Variants in CHD6 observed in about 807,000 individuals in gnomAD.
CHD6 encodes ATP-dependent chromatin remodeler CHD6.
In CHD6, 50 loss-of-function variants were observed where a neutral mutation model predicts 276.9. The ratio of observed to expected loss-of-function variants is 0.18; its 90% confidence interval spans 0.14 to 0.23. The LOEUF is 0.23. Ranked by LOEUF, CHD6 falls within the 10% of genes least tolerant of loss-of-function variation. The probability of loss-of-function intolerance (pLI) is 1.00; values close to 1 mark genes in which losing one functional copy is unlikely to be tolerated. For synonymous variants in CHD6, 1,173 were observed against 1,229.3 expected, an observed-to-expected ratio of 0.95 and a Z score of 0.96; for missense variants, 2,564 against 3,365.8, an observed-to-expected ratio of 0.76 and a Z score of 5.89.
At chr20:41,493,511 T>A (rs760700557) in intron 10 of CHD6, 27 bp downstream of exon 10, 1 of 1,609,512 alleles carries the variant, frequency 6.2e-7, no homozygotes, top group East Asian at 2.2e-5. Context: ...TTCCGAGAAG[T>A]GCCAGAGAGA....
In CHD6 at chr20:41,455,780, CTG is replaced by C; in HGVS notation, c.3009+18_3009+19del. Reference sequence around the variant, plus strand: ...TTTTTCTCTCCCACCCCCAACAGCTCTGGAGAGAAGGCCCTGTACCTTGGCAA... The same window carrying C: ...TTTTTCTCTCCCACCCCCAACAGCTCGAGAGAAGGCCCTGTACCTTGGCAA... On this transcript the variant is annotated intron_variant, in intron 19 of 36. Coordinates refer to ENST00000373233, the MANE Select transcript of CHD6 (RefSeq NM_032221.5). The C allele has an allele frequency of 6.7e-7, 1 of 1,492,352 alleles. No homozygotes were observed. The highest frequency in any genetic ancestry group is 9.0e-7 in the Non-Finnish European group (1 of 1,116,370). 92.4% of individuals were successfully genotyped at this position (1,492,352 alleles called of 1,614,324 possible). A position where few individuals can be genotyped will look rare whatever the true frequency, so the allele number is the denominator to read the frequency against.
chr20:41,444,982 A>T (rs1043115307), intron 25 of CHD6, among the ~76,000 whole-genome samples: 7 of 152,224 alleles, frequency 4.6e-5, no homozygotes, highest in South Asian at 2.1e-4. Flanking sequence ...GAAAGTGTGT[A>T]TCAGGCATAC....
At chr20:41,574,082 G>A (rs2045447033) in intron 1 of CHD6, among the ~76,000 whole-genome samples, 1 of 143,442 alleles carries the variant, frequency 7.0e-6, no homozygotes, top group Non-Finnish European at 1.5e-5. Context: ...CCTCAGGCAA[G>A]CAAATGTTAT....
chr20:41,442,249 T>C (rs1031685341), intron 25 of CHD6, among the ~76,000 whole-genome samples: 1 of 151,566 alleles, frequency 6.6e-6, no homozygotes, highest in Non-Finnish European at 1.5e-5. Flanking sequence ...GAGCCCAGCC[T>C]GGTCTGGGCA....
chr20:41,482,673 A>G lies in CHD6; in HGVS notation c.2468+636T>C, dbSNP rs1223167497. The G allele has an allele frequency of 1.0e-5, 4 of 383,304 alleles. No homozygotes were observed. In the East Asian group the frequency reaches 2.3e-4, roughly 22 times the overall value. The allele number at this position is 383,304 out of a possible 1,614,324, so 23.7% of individuals were successfully genotyped here. ...GATGTGTCACAATGACGGAAAATCT[A>G]AAGTAATACACATGAGGTAACAAAT... On this transcript the variant is annotated intron_variant, in intron 16 of 36. Coordinates refer to ENST00000373233, the MANE Select transcript of CHD6 (RefSeq NM_032221.5).
intron 2 of CHD6, among the ~76,000 whole-genome samples, chr20:41,539,679 A>C (rs923802959): frequency 6.6e-6 from 1 of 152,264 alleles, no homozygotes; most frequent in African/African-American, 2.4e-5. Flanking sequence ...ATATCCTTTT[A>C]AACAGGGCAA....
intron 1 of CHD6, among the ~76,000 whole-genome samples, chr20:41,570,337 T>G (rs2045403286): frequency 6.6e-6 from 1 of 152,166 alleles, no homozygotes; most frequent in Non-Finnish European, 1.5e-5. Context: ...CAGGCAGCCC[T>G]CAAAGAGAGG....
chr20:41,464,660 T>C (rs182859555), intron 17 of CHD6, among the ~76,000 whole-genome samples: 251 of 152,320 alleles, frequency 1.6e-3, no homozygotes, highest in African/African-American at 5.7e-3. Context: ...TGCTTAAGTA[T>C]GCATACATCT....
chr20:41,583,978 T>C (rs1046219367), intron 1 of CHD6, among the ~76,000 whole-genome samples: 3 of 151,848 alleles, frequency 2.0e-5, no homozygotes, highest in East Asian at 3.9e-4. Context: ...TAGAGACAAA[T>C]AGAAATCAAC....
Position 41,473,977 on chromosome 20 carries a change from A to G in CHD6, c.2469-460T>C. On this transcript the variant is annotated intron_variant, in intron 16 of 36. Transcript: ENST00000373233. The surrounding 1 kb of genome is among the most constrained non-coding windows in gnomAD (Gnocchi z 4.1). ...TCAGTTTCCAGCTACTTTAGGGTAA[A>G]CCAGAAATGGTAAGAAGATTAAACT... Among the ~76,000 whole-genome samples, 1 of 152,208 alleles carries G rather than the reference A, an allele frequency of 6.6e-6. No homozygotes were observed. Among genetic ancestry groups the G allele is most frequent in the African/African-American group, 2.4e-5 (1 of 41,446 alleles).
intron 35 of CHD6, among the ~76,000 whole-genome samples, chr20:41,412,642 A>T (rs1213184244): frequency 6.6e-6 from 1 of 152,204 alleles, no homozygotes; most frequent in Admixed American, 6.5e-5. Flanking sequence ...CACATCTGTG[A>T]ATGTGTTCTC....
At chr20:41,543,874 G>A (rs2044991503) in intron 2 of CHD6, among the ~76,000 whole-genome samples, 1 of 152,150 alleles carries the variant, frequency 6.6e-6, no homozygotes, top group Non-Finnish European at 1.5e-5. Flanking sequence ...TGAAAAAGAC[G>A]TTCCTGTTGC....
chr20:41,460,981 G>T (rs918121339), intron 17 of CHD6, among the ~76,000 whole-genome samples: 6 of 152,200 alleles, frequency 3.9e-5, no homozygotes, highest in African/African-American at 1.4e-4. Context: ...AGCTGCCCAA[G>T]ACTACCTCTT....
intron 27 of CHD6, among the ~76,000 whole-genome samples, chr20:41,433,080 G>GAA (rs1247890936): frequency 5.4e-5 from 6 of 110,182 alleles, no homozygotes; most frequent in Middle Eastern, 4.9e-3. Context: ...GTGAATAACA[G>GAA]AAAAAAAAAA....
chr20:41,454,779 T>C (rs771668471), intron 19 of CHD6, 43 bp from the exon 20 acceptor site: 4 of 1,369,358 alleles, frequency 2.9e-6, no homozygotes, highest in Admixed American at 1.9e-5. Context: ...TTGAACACAA[T>C]ACAAACTAAT....
At chr20:41,575,720 T>G (rs1011847403) in intron 1 of CHD6, among the ~76,000 whole-genome samples, 1 of 152,240 alleles carries the variant, frequency 6.6e-6, no homozygotes, top group African/African-American at 2.4e-5. Flanking sequence ...AATCCAATCA[T>G]TTCTCAAATT....
In CHD6 at chr20:41,533,539, G is replaced by A; in HGVS notation, c.65C>T (p.Pro22Leu). 9 of 1,610,246 alleles carry A rather than the reference G, an allele frequency of 5.6e-6. No individual in the cohort carries two copies. Among genetic ancestry groups the A allele is most frequent in the African/African-American group, 1.3e-5 (1 of 74,890 alleles). The change falls in exon 3 of 37, where the codon CCA becomes CTA. Residue 22 changes from proline (P) to leucine (L), a missense_variant. Physicochemically the swap from Pro to Leu is moderately conservative, Grantham distance 98 (BLOSUM62 -3). This residue lies in a region of CHD6 where 286 missense variants were observed against 297.8 expected (regional missense o/e 0.96). Coordinates refer to ENST00000373233, the MANE Select transcript of CHD6 (RefSeq NM_032221.5). ...LSNLKVLNHS[P>L]MSDASVNFDY... ...AAAATTGACAGAGGCATCAGACATT[G>A]GGGAGTGATTCAAAACTTTTAAATT...
At chr20:41,543,286 C>G (rs930219588) in intron 2 of CHD6, among the ~76,000 whole-genome samples, 9 of 152,134 alleles carry the variant, frequency 5.9e-5, no homozygotes, top group Non-Finnish European at 1.3e-4. Flanking sequence ...GGTCCCACGG[C>G]TAGTAAGTGG....
At position 41,421,624 on chromosome 20, in the gene CHD6, G is replaced by A. The variant is rs376382570; in HGVS notation, c.5011C>T (p.His1671Tyr). ...NLVRVESRDD[H>Y]LSLPDVTCEN... ...CATGTCACATCAGGCAGGCTGAGAT[G>A]ATCATCTCTGCTTTCTACTCTCACT... The change falls in exon 31 of 37, where the codon CAT (histidine) becomes TAT (tyrosine). Residue 1671 changes from histidine (H) to tyrosine (Y), a missense_variant. Transcript: ENST00000373233. 16 of 1,613,834 alleles carry A rather than the reference G, an allele frequency of 9.9e-6. No individual in the cohort carries two copies. Among genetic ancestry groups the A allele is most frequent in the Non-Finnish European group, 1.4e-5 (16 of 1,179,948 alleles).
Sources: gnomAD v4.1 joint callset for allele counts (sites outside exome capture counted in the v4.1 genomes callset) on GRCh38, gnomAD v4.1.1 for gene constraint, gnomAD v4.1.1 regional missense constraint, Gnocchi (gnomAD v3.1) non-coding constraint, MANE v1.5 for transcripts, NCBI Gene and HGNC (gene_info 2026-07-23, HGNC 2026-07-21) for gene names.